The following GLCE variants were observed in gnomAD, a reference collection of about 807,000 sequenced individuals.
GLCE encodes the protein glucuronic acid epimerase.
A neutral mutation model predicts 47.9 loss-of-function variants in GLCE; 19 were observed. The ratio of observed to expected loss-of-function variants is 0.40; its 90% CI spans 0.28 to 0.58. GLCE has a LOEUF of 0.58. GLCE is among the 20% of genes least tolerant of loss of function. The pLI is 0.48. For missense variants in GLCE, 556 were observed against 743.3 expected, an observed-to-expected ratio of 0.75 and a Z score of 2.93; for synonymous variants, 245 against 263.4, an observed-to-expected ratio of 0.93 and a Z score of 0.68.
At chr15:69,173,432 C>T (rs2051615750) in intron 1 of GLCE, among the ~76,000 whole-genome samples, 1 of 152,106 alleles carries the variant, frequency 6.6e-6, no homozygotes, top group Non-Finnish European at 1.5e-5. Flanking sequence ...AGGGTTGGCA[C>T]ATGGAAGAAG....
At chr15:69,167,789 G>C (rs1391831744) in intron 1 of GLCE, among the ~76,000 whole-genome samples, 6 of 151,560 alleles carry the variant, frequency 4.0e-5, no homozygotes, top group Non-Finnish European at 7.4e-5. Flanking sequence ...TGAAGAGTTG[G>C]AATGGTGTAG....
chr15:69,206,490 T>C (rs2052154500), intron 1 of GLCE, among the ~76,000 whole-genome samples: 1 of 152,086 alleles, frequency 6.6e-6, no homozygotes, highest in Non-Finnish European at 1.5e-5. Flanking sequence ...TTTTCTTCTG[T>C]AAGTAAGCCT....
At chr15:69,201,766 G>A (rs1321257856) in intron 1 of GLCE, among the ~76,000 whole-genome samples, 2 of 151,638 alleles carry the variant, frequency 1.3e-5, no homozygotes, top group African/African-American at 4.8e-5. Flanking sequence ...TCCAGACTTA[G>A]AGGACAATTT....
chr15:69,236,895 AT>A (rs2052599987), intron 2 of GLCE, among the ~76,000 whole-genome samples: 1 of 152,232 alleles, frequency 6.6e-6, no homozygotes, highest in Non-Finnish European at 1.5e-5. Context: ...GTGGGATTAC[AT>A]TAATAAGGAC....
At chr15:69,180,760 G>A (rs1056996603) in intron 1 of GLCE, among the ~76,000 whole-genome samples, 22 of 152,208 alleles carry the variant, frequency 1.4e-4, no homozygotes, top group African/African-American at 5.3e-4. Context: ...GGTCAAGCAA[G>A]GTCTTATAGA....
intron 1 of GLCE, among the ~76,000 whole-genome samples, chr15:69,188,422 T>C (rs1343125544): frequency 2.0e-5 from 3 of 152,218 alleles, no homozygotes; most frequent in Non-Finnish European, 2.9e-5. Flanking sequence ...GGTGCCCTTT[T>C]AGAATGACTT....
chr15:69,253,290 T>C (rs1289269104), intron 2 of GLCE, among the ~76,000 whole-genome samples: 1 of 152,252 alleles, frequency 6.6e-6, no homozygotes, highest in Non-Finnish European at 1.5e-5. Context: ...CACCATCTTC[T>C]TTCTGGCATT....
At chr15:69,267,873 G>T (rs1170503675) in intron 4 of GLCE, among the ~76,000 whole-genome samples, 4 of 149,236 alleles carry the variant, frequency 2.7e-5, no homozygotes, top group Non-Finnish European at 4.4e-5. Flanking sequence ...TGCAGAATGG[G>T]TATAGTAGAA....
At chr15:69,198,004 T>C (rs2052020528) in intron 1 of GLCE, among the ~76,000 whole-genome samples, 2 of 152,198 alleles carry the variant, frequency 1.3e-5, no homozygotes, top group Admixed American at 6.5e-5. Flanking sequence ...TGTATTTCTT[T>C]GATGCTTATA....
At chr15:69,205,131 A>G (rs1322580560) in intron 1 of GLCE, among the ~76,000 whole-genome samples, 2 of 150,944 alleles carry the variant, frequency 1.3e-5, no homozygotes, top group Non-Finnish European at 3.0e-5. Flanking sequence ...AGCTCAAAAA[A>G]CTCCTGTGTT....
chr15:69,190,769 A>G (rs1268216680), intron 1 of GLCE, among the ~76,000 whole-genome samples: 1 of 152,132 alleles, frequency 6.6e-6, no homozygotes, highest in Non-Finnish European at 1.5e-5. Context: ...TAGTCTTAAT[A>G]TGATGACTGG....
intron 2 of GLCE, among the ~76,000 whole-genome samples, chr15:69,252,453 C>G (rs772121720): frequency 6.6e-6 from 1 of 152,166 alleles, no homozygotes; most frequent in East Asian, 1.9e-4. Flanking sequence ...TCAGATCTCA[C>G]GCAAACTCAT....
chr15:69,267,051 G>A (rs922916676), intron 4 of GLCE, among the ~76,000 whole-genome samples: 1 of 146,698 alleles, frequency 6.8e-6, no homozygotes, highest in Non-Finnish European at 1.5e-5. Context: ...TATTTTTGTT[G>A]TTCTTATTCT....
chr15:69,226,453 G>A (rs976560781), intron 2 of GLCE, among the ~76,000 whole-genome samples: 1 of 152,144 alleles, frequency 6.6e-6, no homozygotes, highest in Non-Finnish European at 1.5e-5. Context: ...CAAAATCTGA[G>A]AAATATTATA....
intron 1 of GLCE, among the ~76,000 whole-genome samples, chr15:69,185,708 G>A (rs1228592412): frequency 1.3e-5 from 2 of 151,826 alleles, no homozygotes; most frequent in Non-Finnish European, 2.9e-5. Context: ...GTGACCAAAG[G>A]TATGGGGGTT....
At chr15:69,183,304 C>T (rs925440668) in intron 1 of GLCE, among the ~76,000 whole-genome samples, 9 of 152,272 alleles carry the variant, frequency 5.9e-5, no homozygotes, top group Admixed American at 3.3e-4. Context: ...CAGTAAAGAA[C>T]GGCTACAGTC....
chr15:69,259,517 T>A (rs1028548467), intron 3 of GLCE, among the ~76,000 whole-genome samples: 1 of 152,260 alleles, frequency 6.6e-6, no homozygotes, highest in Admixed American at 6.5e-5. Context: ...AATTGATTTA[T>A]ATTTTGGCAA....
chr15:69,221,715 T>C (rs2052379553), intron 2 of GLCE, among the ~76,000 whole-genome samples: 1 of 151,796 alleles, frequency 6.6e-6, no homozygotes, highest in East Asian at 1.9e-4. Flanking sequence ...ATACAAACAT[T>C]AGCTGGACGT....
chr15:69,220,889 C>T (rs2052368617), intron 2 of GLCE, among the ~76,000 whole-genome samples: 1 of 152,088 alleles, frequency 6.6e-6, no homozygotes, highest in Non-Finnish European at 1.5e-5. Flanking sequence ...CTGTTTTCTT[C>T]TAAGAATTTT....
Sources: allele counts gnomAD v4.1 joint callset (sites outside exome capture counted in the v4.1 genomes callset), GRCh38; gene constraint gnomAD v4.1.1; transcripts MANE v1.5; gene names NCBI Gene and HGNC (gene_info 2026-07-23, HGNC 2026-07-21).